AMH: variants seen among roughly 807,000 people sequenced by gnomAD.
AMH encodes anti-Mullerian hormone.
A neutral mutation model predicts 33.3 loss-of-function variants in AMH; 39 were observed. That is an observed-to-expected ratio of 1.17 (90% confidence interval 0.91 to 1.53). AMH has a LOEUF of 1.53. Ranked by LOEUF, AMH falls within the 40% of genes most tolerant of loss-of-function variation. The probability of loss-of-function intolerance (pLI) is 0.00; values close to 1 mark genes in which losing one functional copy is unlikely to be tolerated. For synonymous variants in AMH, 536 were observed against 403.0 expected (o/e 1.33, Z -3.95); for missense variants, 1,019 against 799.8 (o/e 1.27, Z -3.30).
intron 1 of AMH, 189 bp from the exon 2 acceptor site, chr19:2,250,148 C>T: frequency 1.0e-6 from 1 of 973,588 alleles, no homozygotes; most frequent in South Asian, 1.5e-5. Context: ...CACCCACAGC[C>T]TCAGACGCAG....
chr19:2,249,522 A>G lies in AMH; in HGVS notation c.190A>G (p.Asn64Asp), dbSNP rs1317219126. 6.2e-7 allele frequency: 1 copy of G among 1,603,590 alleles called. No homozygotes were observed. Among genetic ancestry groups the G allele is most frequent in the African/African-American group, 1.3e-5 (1 of 74,902 alleles). ...CCTGGTGGCACTGGGCGGGGACAGCAATGGCAGCAGCTCCCCCCTGCGGGT... is the reference window on the plus strand; with the variant it reads ...CCTGGTGGCACTGGGCGGGGACAGCGATGGCAGCAGCTCCCCCCTGCGGGT... ...LCLVALGGDS[N>D]GSSSPLRVVG... The change falls in exon 1 of 5, where the codon AAT (asparagine) becomes GAT (aspartate). Residue 64 changes from asparagine to aspartate, a missense_variant. Transcript: ENST00000221496.
intron 2 of AMH, 77 bp from the exon 3 acceptor site, chr19:2,250,575 G>A: frequency 6.5e-7 from 1 of 1,537,426 alleles, no homozygotes; most frequent in Non-Finnish European, 8.7e-7. Flanking sequence ...AGAACCAGTG[G>A]CGATGGGAGG....
intron 1 of AMH, chr19:2,249,971 G>A (rs2025000674): frequency 3.2e-6 from 2 of 634,686 alleles, no homozygotes; most frequent in East Asian, 2.8e-5. Context: ...GCCAGGGAGA[G>A]AGCTGCTGCC....
rs767665662 is a variant in AMH, at chr19:2,249,337, G to A, written c.5G>A (p.Arg2Gln). The A allele has an allele frequency of 2.6e-5, 41 of 1,566,888 alleles. No individual in the cohort carries two copies. The highest frequency in any genetic ancestry group is 2.4e-4 in the Admixed American group (13 of 54,154). M[R>Q]DLPLTSLALV... ...CAGCCCCTGGCAGCACCCACGATGC[G>A]GGACCTGCCTCTCACCAGCCTGGCC... is the stretch of plus-strand genomic sequence containing the variant. Residue 2 changes from arginine (R) to glutamine (Q), a missense_variant, in exon 1 of 5, where the codon CGG becomes CAG. Transcript: ENST00000221496.
Position 2,252,072 on chromosome 19 carries a change from G to A in AMH, c.*115G>A, listed in dbSNP as rs1199081592. 2.8e-6 allele frequency: 4 copies of A among 1,447,900 alleles called. No homozygotes were observed. The East Asian group carries it at 7.5e-5, about 27-fold the overall frequency. 89.7% of individuals were successfully genotyped at this position (1,447,900 alleles called of 1,614,324 possible). A position where few individuals can be genotyped will look rare whatever the true frequency, so the allele number is the denominator to read the frequency against. ...CCCAATAAAGACCAGCAAGCAACCG[G>A]CTGGGGTGTCCGTGCGTGTTAGGGG... is the stretch of plus-strand genomic sequence containing the variant. On this transcript the variant is annotated 3_prime_UTR_variant, in exon 5 of 5. Transcript: ENST00000221496.
At position 2,251,579 on chromosome 19, in the gene AMH, C is replaced by T; in HGVS notation, c.1305C>T (p.Arg435=). The change falls in exon 5 of 5, where the codon CGC becomes CGT. Residue 435 remains arginine, a synonymous_variant. Coordinates refer to ENST00000221496, the MANE Select transcript of AMH (RefSeq NM_000479.5). ...TCCTGAAGGCGCTGCAGGGCCTGCG[C>T]GTGGAGTGGCGCGGGCGGGATCCGC... The part of the protein sequence containing the change: ...LLLLKALQGL[R]VEWRGRDPRG... 7.7e-7 allele frequency: 1 copy of T among 1,294,176 alleles called. No individual in the cohort carries two copies. The highest frequency in any genetic ancestry group is 9.8e-7 in the Non-Finnish European group (1 of 1,024,268). 80.2% of individuals were successfully genotyped at this position (1,294,176 alleles called of 1,614,324 possible).
At chr19:2,250,188 C>T in intron 1 of AMH, 149 bp from the exon 2 acceptor site, 1 of 1,336,010 alleles carries the variant, frequency 7.5e-7, no homozygotes, top group East Asian at 2.5e-5. Context: ...TCACCGCTCC[C>T]TGGCTGCAGG....
chr19:2,250,394 G>GC lies in AMH; in HGVS notation c.476dup (p.Glu160ArgfsTer14). The GC allele has an allele frequency of 6.3e-7, 1 of 1,583,846 alleles. No homozygotes were observed. Among genetic ancestry groups the GC allele is most frequent in the South Asian group, 1.2e-5 (1 of 86,852 alleles). Reference sequence around the variant, plus strand: ...CAGGAGCCCCCGCCTGGAGGAGCTGGCCCCCCAGAGCTGGCGCTGCTGGTG... The same window carrying GC: ...CAGGAGCCCCCGCCTGGAGGAGCTGGCCCCCCCAGAGCTGGCGCTGCTGGTG... On this transcript the variant is annotated frameshift_variant, in exon 2 of 5. Transcript: ENST00000221496. LOFTEE classifies it high-confidence loss of function.
rs984282416 is a variant in AMH, at chr19:2,249,657, C to A, written c.325C>A (p.Gln109Lys). 1 of 1,514,160 alleles carries A rather than the reference C, an allele frequency of 6.6e-7. No individual in the cohort carries two copies. Among genetic ancestry groups the A allele is most frequent in the Non-Finnish European group, 8.8e-7 (1 of 1,134,880 alleles). 93.8% of individuals were successfully genotyped at this position (1,514,160 alleles called of 1,614,324 possible). Residue 109 changes from glutamine to lysine, a missense_variant, in exon 1 of 5, where the codon CAG becomes AAG. Coordinates refer to ENST00000221496, the MANE Select transcript of AMH (RefSeq NM_000479.5). The stretch of plus-strand genomic sequence containing the variant: ...CGGGGTCTGCAACACCGGTGACAGG[C>A]AGGCTGCCTTGCCCTCTCTACGGCG... ...TFGVCNTGDRQAALPSLRRLG... is the reference protein window; with the variant it reads ...TFGVCNTGDRKAALPSLRRLG...
Position 2,250,670 on chromosome 19 carries a change from G to C in AMH, c.574G>C (p.Asp192His), listed in dbSNP as rs1460293317. The change falls in exon 3 of 5, where the codon GAC (aspartate) becomes CAC (histidine). Residue 192 changes from aspartate (D) to histidine (H), a missense_variant. By Grantham distance (81) the Asp-to-His change is moderately conservative. Coordinates refer to ENST00000221496, the MANE Select transcript of AMH (RefSeq NM_000479.5). ...PGAQSLCPSR[D>H]TRYLVLAVDR... ...TCCGCAGAGCCTCTGCCCCTCCCGA[G>C]ACACCCGCTACCTGGTGTTAGCGGT... is the stretch of plus-strand genomic sequence containing the variant. 6.5e-7 allele frequency: 1 copy of C among 1,539,506 alleles called. No individual in the cohort carries two copies. Among genetic ancestry groups the C allele is most frequent in the East Asian group, 2.4e-5 (1 of 40,992 alleles).
chr19:2,251,830 C>T lies in AMH; in HGVS notation c.1556C>T (p.Ala519Val), dbSNP rs200031151. 3,121 of 1,600,752 alleles carry T rather than the reference C, an allele frequency of 1.9e-3. 2 individuals carry two copies. Among genetic ancestry groups the T allele is most frequent in the Admixed American group, 2.6e-3 (153 of 59,638 alleles). Reference sequence around the variant, plus strand: ...CTGAAGATGCAGGTCCGTGGGGCCGCCCTGGCGCGCCCACCCTGCTGCGTG... The same window carrying T: ...CTGAAGATGCAGGTCCGTGGGGCCGTCCTGGCGCGCCCACCCTGCTGCGTG... Reference protein sequence around the residue: ...LLLKMQVRGAALARPPCCVPT... With the variant: ...LLLKMQVRGAVLARPPCCVPT... Residue 519 changes from alanine (A) to valine (V), a missense_variant, in exon 5 of 5, where the codon GCC (alanine) becomes GTC (valine). Coordinates refer to ENST00000221496, the MANE Select transcript of AMH (RefSeq NM_000479.5).
chr19:2,249,870 G>A (rs947449766), intron 1 of AMH, 126 bp downstream of exon 1: 2 of 1,186,400 alleles, frequency 1.7e-6, no homozygotes, highest in Admixed American at 5.9e-5. Flanking sequence ...CTTGTTCCTA[G>A]GACTGGGTTG....
rs753904327 is a variant in AMH, at chr19:2,251,187, C to G, written c.913C>G (p.Pro305Ala). The change falls in exon 5 of 5, where the codon CCG becomes GCG. Residue 305 changes from proline (P) to alanine (A), a missense_variant. Coordinates refer to ENST00000221496, the MANE Select transcript of AMH (RefSeq NM_000479.5). ...CCTGGTGCGGGCGCTGCGGGTCCCC[C>G]CGGCCCGGGCCTCCGCGCCGCGCCT... ...TRLVRALRVP[P>A]ARASAPRLAL... is the part of the protein sequence containing the mutation. 6.6e-7 allele frequency: 1 copy of G among 1,508,032 alleles called. No homozygotes were observed. The highest frequency in any genetic ancestry group is 8.8e-7 in the Non-Finnish European group (1 of 1,135,168). The allele number at this position is 1,508,032 out of a possible 1,614,324, so 93.4% of individuals were successfully genotyped here.
rs1020489156 is a variant in AMH at position 2,250,157 on chromosome 19, A to AGCCCCTGCCT, written c.413-170_413-161dup. On this transcript the variant is annotated intron_variant, in intron 1 of 4. Coordinates refer to ENST00000221496, the MANE Select transcript of AMH (RefSeq NM_000479.5). ...CAGCCCCACCCACAGCCTCAGACGC[A>AGCCCCTGCCT]GCCCCTGCCTGCCCCTGCCGTCACC... 1.9e-4 allele frequency: 194 copies of AGCCCCTGCCT among 1,042,772 alleles called. 1 individual carries two copies. In the African/African-American group the frequency reaches 2.6e-3, roughly 14 times the overall value. The allele number at this position is 1,042,772 out of a possible 1,614,324, so 64.6% of individuals were successfully genotyped here. A position where few individuals can be genotyped will look rare whatever the true frequency, so the allele number is the denominator to read the frequency against.
At position 2,251,215 on chromosome 19, in the gene AMH, C is replaced by G. The variant is rs962080364; in HGVS notation, c.941C>G (p.Ala314Gly). Residue 314 changes from alanine to glycine, a missense_variant, in exon 5 of 5, where the codon GCC (alanine) becomes GGC (glycine). Physicochemically the swap from Ala to Gly is moderately conservative, Grantham distance 60 (BLOSUM62 0). Transcript: ENST00000221496. ...GCCCGGGCCTCCGCGCCGCGCCTGG[C>G]CCTGGATCCGGACGCGCTGGCCGGC... ...PPARASAPRL[A>G]LDPDALAGFP... 35 of 1,502,834 alleles carry G rather than the reference C, an allele frequency of 2.3e-5. No individual in the cohort carries two copies. The highest frequency in any genetic ancestry group is 4.3e-5 in the African/African-American group (3 of 69,108). 93.1% of individuals were successfully genotyped at this position (1,502,834 alleles called of 1,614,324 possible). A position where few individuals can be genotyped will look rare whatever the true frequency, so the allele number is the denominator to read the frequency against.
chr19:2,249,726 G>A lies in AMH; in HGVS notation c.394G>A (p.Val132Ile). The A allele has an allele frequency of 6.6e-7, 1 of 1,506,222 alleles. No individual in the cohort carries two copies. Among genetic ancestry groups the A allele is most frequent in the Non-Finnish European group, 8.8e-7 (1 of 1,132,946 alleles). The allele number at this position is 1,506,222 out of a possible 1,614,324, so 93.3% of individuals were successfully genotyped here. A position where few individuals can be genotyped will look rare whatever the true frequency, so the allele number is the denominator to read the frequency against. Reference sequence around the variant, plus strand: ...GGACCCTGGGGGGCAGCGCCTGGTGGTCCTACACCTGGAGGAAGGTATGTG... The same window carrying A: ...GGACCCTGGGGGGCAGCGCCTGGTGATCCTACACCTGGAGGAAGGTATGTG... ...LRDPGGQRLVVLHLEEVTWEP... is the reference protein window; with the variant it reads ...LRDPGGQRLVILHLEEVTWEP... Residue 132 changes from valine to isoleucine, a missense_variant, in exon 1 of 5, where the codon GTC becomes ATC. Transcript: ENST00000221496.
At position 2,251,284 on chromosome 19, in the gene AMH, A is replaced by G; in HGVS notation, c.1010A>G (p.Glu337Gly). The change falls in exon 5 of 5, where the codon GAG (glutamate) becomes GGG (glycine). Residue 337 changes from glutamate (E) to glycine (G), a missense_variant. Transcript: ENST00000221496. ...AACCTGTCGGACCCCGCGGCGCTGGAGCGCCTACTCGACGGCGAGGAGCCG... is the reference window on the plus strand; with the variant it reads ...AACCTGTCGGACCCCGCGGCGCTGGGGCGCCTACTCGACGGCGAGGAGCCG... ...LVNLSDPAAL[E>G]RLLDGEEPLL... is the part of the protein sequence containing the mutation. 1.3e-6 allele frequency: 2 copies of G among 1,503,584 alleles called. No individual in the cohort carries two copies. The highest frequency in any genetic ancestry group is 1.2e-5 in the South Asian group (1 of 80,604). The allele number at this position is 1,503,584 out of a possible 1,614,324, so 93.1% of individuals were successfully genotyped here. A position where few individuals can be genotyped will look rare whatever the true frequency, so the allele number is the denominator to read the frequency against.
At chr19:2,250,278 A>G in intron 1 of AMH, 59 bp from the exon 2 acceptor site, 1 of 1,550,630 alleles carries the variant, frequency 6.4e-7, no homozygotes, top group Non-Finnish European at 8.7e-7. Context: ...CAGATCCCAA[A>G]GATTCCCGGG....
In AMH at chr19:2,252,043, T is replaced by C; in HGVS notation, c.*86T>C. ...CCCATATTTATTCGGACCCCAAGCA[T>C]CGCCCCAATAAAGACCAGCAAGCAA... On this transcript the variant is annotated 3_prime_UTR_variant, in exon 5 of 5. Coordinates refer to ENST00000221496, the MANE Select transcript of AMH (RefSeq NM_000479.5). 2 of 1,509,922 alleles carry C rather than the reference T, an allele frequency of 1.3e-6. No homozygotes were observed. Among genetic ancestry groups the C allele is most frequent in the Non-Finnish European group, 1.8e-6 (2 of 1,129,118 alleles). The allele number at this position is 1,509,922 out of a possible 1,614,324, so 93.5% of individuals were successfully genotyped here. A position where few individuals can be genotyped will look rare whatever the true frequency, so the allele number is the denominator to read the frequency against.
Sources: allele counts gnomAD v4.1 joint callset, GRCh38; gene constraint gnomAD v4.1.1; transcripts MANE v1.5; gene names NCBI Gene and HGNC (gene_info 2026-07-23, HGNC 2026-07-21).